TMEM245: variants seen among roughly 807,000 people sequenced by gnomAD.
TMEM245 encodes the protein protein CG-2.
In TMEM245, 69 loss-of-function variants were observed where a neutral mutation model predicts 101.2. That is an observed-to-expected ratio of 0.68 (90% CI 0.56 to 0.83). TMEM245 has a LOEUF of 0.83. Ranked by LOEUF, TMEM245 falls within the 40% of genes least tolerant of loss-of-function variation. The pLI, the probability that TMEM245 is intolerant of heterozygous loss-of-function variation, is 0.00. For synonymous variants in TMEM245, 537 were observed against 449.8 expected (o/e 1.19, Z -2.45); for missense variants, 1,075 against 1,092.8 (o/e 0.98, Z 0.23).
chr9:109,068,769 A>G (rs1829246182), intron 9 of TMEM245, among the ~76,000 whole-genome samples: 1 of 152,244 alleles, frequency 6.6e-6, no homozygotes, highest in Non-Finnish European at 1.5e-5. Flanking sequence ...CCAATCTCAA[A>G]AGGCTGCATG....
In TMEM245 at chr9:109,087,268, C is replaced by G; in HGVS notation, c.1225G>C (p.Gly409Arg). The change falls in exon 6 of 18, where the codon GGC becomes CGC. Residue 409 changes from glycine (G) to arginine (R), a missense_variant. Gly to Arg is a moderately radical substitution (Grantham distance 125). Transcript: ENST00000374586. Reference protein sequence around the residue: ...FLEKRYHVWWGIIESFLKERQ... With the variant: ...FLEKRYHVWWRIIESFLKERQ... Reference sequence around the variant, plus strand: ...TCCTTCAGGAAGCTTTCTATAATGCCCCACCACACATGGTAGCGTTTCTCT... The same window carrying G: ...TCCTTCAGGAAGCTTTCTATAATGCGCCACCACACATGGTAGCGTTTCTCT... The G allele has an allele frequency of 1.2e-6, 2 of 1,613,936 alleles. No individual in the cohort carries two copies. The highest frequency in any genetic ancestry group is 1.7e-6 in the Non-Finnish European group (2 of 1,179,940).
intron 9 of TMEM245, 88 bp from the exon 10 acceptor site, chr9:109,064,655 A>G (rs1829111171): frequency 1.0e-5 from 11 of 1,066,076 alleles, no homozygotes; most frequent in Non-Finnish European, 1.5e-5. Context: ...CTTAATCCAT[A>G]ACAGACAGAC....
At chr9:109,110,141 C>T (rs1378475531) in intron 1 of TMEM245, among the ~76,000 whole-genome samples, 2 of 152,068 alleles carry the variant, frequency 1.3e-5, no homozygotes, top group Non-Finnish European at 2.9e-5. Context: ...TCAAAAAGTC[C>T]AGTCTTGCTG....
intron 14 of TMEM245, among the ~76,000 whole-genome samples, chr9:109,045,325 T>C (rs1205807527): frequency 1.3e-5 from 2 of 152,038 alleles, no homozygotes; most frequent in East Asian, 3.9e-4. Context: ...TGGCTGACAT[T>C]AGATTTCCAG....
At chr9:109,037,251 A>G (rs1229009685) in intron 15 of TMEM245, among the ~76,000 whole-genome samples, 3 of 152,228 alleles carry the variant, frequency 2.0e-5, no homozygotes, top group Non-Finnish European at 4.4e-5. Flanking sequence ...CCTGGGATGT[A>G]ATCCCTCATG....
chr9:109,083,743 T>A (rs555080079), intron 7 of TMEM245, among the ~76,000 whole-genome samples: 3 of 151,336 alleles, frequency 2.0e-5, no homozygotes, highest in African/African-American at 7.3e-5. Flanking sequence ...TGAGTTTTAG[T>A]GCAAATAATC....
At chr9:109,107,458 T>C (rs985122798) in intron 2 of TMEM245, among the ~76,000 whole-genome samples, 9 of 150,794 alleles carry the variant, frequency 6.0e-5, no homozygotes, top group African/African-American at 2.2e-4. Flanking sequence ...CCCATAACCA[T>C]TTCCCTGAGT....
intron 7 of TMEM245, among the ~76,000 whole-genome samples, chr9:109,084,753 T>G (rs904273934): frequency 1.3e-5 from 2 of 152,192 alleles, no homozygotes; most frequent in Non-Finnish European, 2.9e-5. Context: ...GTGACTTATA[T>G]TTGCACATCA....
intron 3 of TMEM245, among the ~76,000 whole-genome samples, 166 bp from the exon 4 acceptor site, chr9:109,093,757 AGT>A (rs1227430837): frequency 6.6e-6 from 1 of 152,230 alleles, no homozygotes; most frequent in Non-Finnish European, 1.5e-5. Flanking sequence ...TTGACATGAA[AGT>A]GTGCTAAAAA....
chr9:109,048,648 T>G (rs1227182352), intron 14 of TMEM245, among the ~76,000 whole-genome samples: 2 of 152,142 alleles, frequency 1.3e-5, no homozygotes, highest in Non-Finnish European at 1.5e-5. Flanking sequence ...TTGAGTCTTG[T>G]TAATGAGGAA....
At chr9:109,033,728 T>C (rs535970855) in intron 16 of TMEM245, among the ~76,000 whole-genome samples, 2 of 152,334 alleles carry the variant, frequency 1.3e-5, no homozygotes, top group South Asian at 2.1e-4. Flanking sequence ...CCTCTTTTTA[T>C]AGCTCCAGGA....
chr9:109,020,579 C>A, intron 17 of TMEM245, 74 bp from the exon 18 acceptor site: 1 of 1,356,452 alleles, frequency 7.4e-7, no homozygotes, highest in Admixed American at 1.8e-5. Flanking sequence ...CTTTTGGAGC[C>A]CTAATGAGAT....
At chr9:109,038,242 G>T in intron 14 of TMEM245, 125 bp from the exon 15 acceptor site, 1 of 549,174 alleles carries the variant, frequency 1.8e-6, no homozygotes, top group Non-Finnish European at 3.1e-6. Context: ...GCCTGAGAAT[G>T]CTATTTTCAT....
chr9:109,091,257 G>A, intron 4 of TMEM245, 102 bp from the exon 5 acceptor site: 1 of 988,456 alleles, frequency 1.0e-6, no homozygotes, highest in East Asian at 2.6e-5. Context: ...CCTTCAAAAT[G>A]TGCTGATATG....
intron 9 of TMEM245, among the ~76,000 whole-genome samples, chr9:109,068,211 CA>C (rs919333656): frequency 2.7e-5 from 4 of 150,314 alleles, no homozygotes; most frequent in Non-Finnish European, 5.9e-5. Context: ...ACTAAAAATA[CA>C]AAAAAAAATT....
At chr9:109,063,231 T>C (rs1372553489) in intron 10 of TMEM245, among the ~76,000 whole-genome samples, 1 of 148,658 alleles carries the variant, frequency 6.7e-6, no homozygotes, top group African/African-American at 2.5e-5. Context: ...GTGATTCTCC[T>C]GCCTCAGCCT....
intron 1 of TMEM245, among the ~76,000 whole-genome samples, chr9:109,113,994 T>C (rs1588084637): frequency 6.6e-6 from 1 of 152,144 alleles, no homozygotes; most frequent in Non-Finnish European, 1.5e-5. Context: ...GAGAATCACT[T>C]GAACCCGGGA....
At position 109,016,291 on chromosome 9, in the gene TMEM245, C is replaced by A. The variant is rs918400577; in HGVS notation, c.*4169G>T. 3.3e-5 allele frequency: 5 copies of A among 152,140 alleles called. No homozygotes were observed. The highest frequency in any genetic ancestry group is 1.2e-4 in the African/African-American group (5 of 41,398). 9.4% of individuals were successfully genotyped at this position (152,140 alleles called of 1,614,324 possible). ...TTTAATTGACCATGCAATCCCCCAC[C>A]CCCAACACACACACACTTTTTTTCT... On this transcript the variant is annotated 3_prime_UTR_variant, in exon 18 of 18. Coordinates refer to ENST00000374586, the MANE Select transcript of TMEM245 (RefSeq NM_032012.4).
At chr9:109,084,671 C>T (rs942090130) in intron 7 of TMEM245, among the ~76,000 whole-genome samples, 20 of 152,212 alleles carry the variant, frequency 1.3e-4, no homozygotes, top group African/African-American at 4.8e-4. Flanking sequence ...GAGCAAGACC[C>T]TGTCTCTAAA....
Sources: gnomAD v4.1 joint callset for allele counts (sites outside exome capture counted in the v4.1 genomes callset) on GRCh38, gnomAD v4.1.1 for gene constraint, MANE v1.5 for transcripts, NCBI Gene and HGNC (gene_info 2026-07-23, HGNC 2026-07-21) for gene names.